MCM9: variants seen among roughly 807,000 people sequenced by gnomAD.
MCM9 encodes minichromosome maintenance 9 homologous recombination repair factor, also known as DNA helicase MCM9.
In MCM9, 55 loss-of-function variants were observed where a neutral mutation model predicts 72.8. The ratio of observed to expected loss-of-function variants is 0.76; its 90% confidence interval spans 0.61 to 0.95. MCM9 has a LOEUF of 0.95. Among genes scored for constraint, MCM9 ranks in the 40% least tolerant of loss-of-function variants. The pLI is 0.00. For missense variants in MCM9, 1,279 were observed against 1,377.0 expected (o/e 0.93, Z 1.13); for synonymous variants, 480 against 503.4 (o/e 0.95, Z 0.62).
chr6:118,876,876 T>C (rs1777961232), intron 8 of MCM9, among the ~76,000 whole-genome samples: 1 of 152,156 alleles, frequency 6.6e-6, no homozygotes, highest in Non-Finnish European at 1.5e-5. Flanking sequence ...AATATACACA[T>C]GGCAAATAAG....
At position 118,879,189 on chromosome 6, in the gene MCM9, A is replaced by G. The variant is rs1273375915; in HGVS notation, c.1151-22644T>C. On this transcript the variant is annotated intron_variant, in intron 8 of 13. Coordinates refer to ENST00000619706, the MANE Select transcript of MCM9 (RefSeq NM_017696.3). Reference sequence around the variant, plus strand: ...TGAATCCTGCCTTGTGAGTAATTACATTAAATGGAAACAGATGAACTACTT... The same window carrying G: ...TGAATCCTGCCTTGTGAGTAATTACGTTAAATGGAAACAGATGAACTACTT... Among the ~76,000 whole-genome samples the G allele has an allele frequency of 6.6e-5, 10 of 152,280 alleles. No homozygotes were observed. In the East Asian group the frequency reaches 1.2e-3, roughly 18 times the overall value.
At chr6:118,923,683 C>G (rs1393000443) in intron 4 of MCM9, 128 bp downstream of exon 4, 1 of 811,078 alleles carries the variant, frequency 1.2e-6, no homozygotes, top group African/African-American at 1.7e-5. Flanking sequence ...CAGTTTCGAG[C>G]TTGATCTTCC....
Position 118,815,973 on chromosome 6 carries a change from C to A in MCM9, c.2283G>T (p.Val761=). 6.4e-7 allele frequency: 1 copy of A among 1,550,496 alleles called. No homozygotes were observed. Among genetic ancestry groups the A allele is most frequent in the South Asian group, 1.2e-5 (1 of 84,066 alleles). ...HQSEPKNTVV[V]SPHPKTSGEN... ...CTCCAGATGTTTTGGGATGAGGAGA[C>A]ACAACAACAGTGTTTTTAGGTTCAC... The change falls in exon 14 of 14, where the codon GTG becomes GTT. Residue 761 remains valine, a synonymous_variant. Transcript: ENST00000619706.
At chr6:118,863,882 C>T (rs1777055591) in intron 8 of MCM9, among the ~76,000 whole-genome samples, 1 of 151,916 alleles carries the variant, frequency 6.6e-6, no homozygotes, top group South Asian at 2.1e-4. Flanking sequence ...ACTACCCAGT[C>T]TTAGGTATTT....
intron 8 of MCM9, chr6:118,908,503 G>C (rs1235772515): frequency 6.6e-6 from 1 of 152,028 alleles, no homozygotes; most frequent in Non-Finnish European, 1.5e-5. Context: ...CATGGATTTA[G>C]AAAGGTATAT....
intron 13 of MCM9, among the ~76,000 whole-genome samples, chr6:118,820,098 G>A (rs1180657374): frequency 6.6e-6 from 1 of 151,912 alleles, no homozygotes; most frequent in Non-Finnish European, 1.5e-5. Flanking sequence ...ATTTTTTGAA[G>A]GGTTTTTCGT....
At position 118,878,988 on chromosome 6, in the gene MCM9, G is replaced by A. The variant is rs181684489; in HGVS notation, c.1151-22443C>T. On this transcript the variant is annotated intron_variant, in intron 8 of 13. Coordinates refer to ENST00000619706, the MANE Select transcript of MCM9 (RefSeq NM_017696.3). ...GGAGAATCATTTAAGCCCAAGAGGT[G>A]GAGGCTGCAGTGAGCCAAGATCATA... Among the ~76,000 whole-genome samples, 85 of 152,144 alleles carry A rather than the reference G, an allele frequency of 5.6e-4. 1 individual carries two copies. The highest frequency in any genetic ancestry group is 2.0e-3 in the African/African-American group (82 of 41,510).
At chr6:118,915,004 C>G (rs893006677) in intron 6 of MCM9, among the ~76,000 whole-genome samples, 6 of 152,204 alleles carry the variant, frequency 3.9e-5, no homozygotes, top group Non-Finnish European at 8.8e-5. Context: ...TAAATAATAA[C>G]TGGCATATAG....
In MCM9 at chr6:118,896,970, T is replaced by G. The variant is rs762306970; in HGVS notation, c.1150+14680A>C. Among the ~76,000 whole-genome samples, 123 of 152,252 alleles carry G rather than the reference T, an allele frequency of 8.1e-4. 1 individual carries two copies. The highest frequency in any genetic ancestry group is 2.0e-3 in the Admixed American group (30 of 15,296). ...CTCCCACCTTAGCCTCCTGAATAGC[T>G]GGGACCATAGTCGATGTGCCACCAC... On this transcript the variant is annotated intron_variant, in intron 8 of 13. Coordinates refer to ENST00000619706, the MANE Select transcript of MCM9 (RefSeq NM_017696.3).
At position 118,870,974 on chromosome 6, in the gene MCM9, A is replaced by G. The variant is rs530370141; in HGVS notation, c.1151-14429T>C. Among the ~76,000 whole-genome samples the G allele has an allele frequency of 3.3e-4, 51 of 152,272 alleles. No homozygotes were observed. In the East Asian group the frequency reaches 9.6e-3, roughly 29 times the overall value. On this transcript the variant is annotated intron_variant, in intron 8 of 13. Transcript: ENST00000619706. Reference sequence around the variant, plus strand: ...ATCAATAATTAAAAGTCTCTCATCAAAGAAAAGCCCAGGACCAGAAGGCTT... The same window carrying G: ...ATCAATAATTAAAAGTCTCTCATCAGAGAAAAGCCCAGGACCAGAAGGCTT...
chr6:118,930,485 G>A (rs972310928), intron 3 of MCM9, among the ~76,000 whole-genome samples: 3 of 152,154 alleles, frequency 2.0e-5, no homozygotes, highest in African/African-American at 7.2e-5. Flanking sequence ...CAATATTCTG[G>A]ACCTGCTTTT....
intron 9 of MCM9, among the ~76,000 whole-genome samples, chr6:118,851,110 T>G (rs914742158): frequency 3.3e-5 from 5 of 151,876 alleles, no homozygotes; most frequent in Non-Finnish European, 4.4e-5. Flanking sequence ...CATGAGCCAC[T>G]GTACCCAGCC....
At chr6:118,877,502 C>T (rs1445289226) in intron 8 of MCM9, among the ~76,000 whole-genome samples, 1 of 152,212 alleles carries the variant, frequency 6.6e-6, no homozygotes, top group Non-Finnish European at 1.5e-5. Context: ...AATGCCATTA[C>T]ACACCCACAA....
At chr6:118,888,314 G>T (rs1019577129) in intron 8 of MCM9, among the ~76,000 whole-genome samples, 2 of 152,006 alleles carry the variant, frequency 1.3e-5, no homozygotes, top group African/African-American at 4.8e-5. Context: ...GTAAAACCCC[G>T]TCTCTACTAA....
chr6:118,815,425 C>A lies in MCM9; in HGVS notation c.2831G>T (p.Gly944Val). 6.4e-7 allele frequency: 1 copy of A among 1,550,550 alleles called. No individual in the cohort carries two copies. ...SFEDHSHVSP[G>V]ATKIAVHSPK... ...ACTATGAACTGCTATTTTAGTTGCA[C>A]CAGGTGACACATGGCTGTGATCTTC... The change falls in exon 14 of 14, where the codon GGT becomes GTT. Residue 944 changes from glycine to valine, a missense_variant. Coordinates refer to ENST00000619706, the MANE Select transcript of MCM9 (RefSeq NM_017696.3).
At chr6:118,841,083 C>T (rs1206628944) in intron 9 of MCM9, among the ~76,000 whole-genome samples, 2 of 150,490 alleles carry the variant, frequency 1.3e-5, no homozygotes, top group Non-Finnish European at 3.0e-5. Context: ...ATAAAGTTGA[C>T]AAAATACTTT....
At chr6:118,852,480 A>G (rs1358322996) in intron 9 of MCM9, among the ~76,000 whole-genome samples, 4 of 152,320 alleles carry the variant, frequency 2.6e-5, no homozygotes, top group South Asian at 4.1e-4. Context: ...CAATTAAAAA[A>G]GGATTTTACT....
At chr6:118,827,152 T>G (rs1469131298) in intron 11 of MCM9, among the ~76,000 whole-genome samples, 1 of 152,220 alleles carries the variant, frequency 6.6e-6, no homozygotes. Context: ...TTCAGCAACT[T>G]TAGTCCTCAT....
intron 13 of MCM9, among the ~76,000 whole-genome samples, chr6:118,816,592 T>C (rs1232837069): frequency 6.7e-6 from 1 of 150,224 alleles, no homozygotes; most frequent in Non-Finnish European, 1.5e-5. Context: ...TTCATTCATT[T>C]AAGATTGTTT....
Sources: allele counts gnomAD v4.1 joint callset (sites outside exome capture counted in the v4.1 genomes callset), GRCh38; gene constraint gnomAD v4.1.1; transcripts MANE v1.5; gene names NCBI Gene and HGNC (gene_info 2026-07-23, HGNC 2026-07-21).